Variants in RFK observed in about 807,000 individuals in gnomAD.
The protein encoded by RFK is 0610038L10Rik.
RFK carries 4 observed loss-of-function variants against 17.6 expected under a neutral mutation model. The observed-to-expected ratio is 0.23, with a 90% confidence interval of 0.11 to 0.52. RFK has a LOEUF of 0.52. Ranked by LOEUF, RFK falls within the 20% of genes least tolerant of loss-of-function variation. The probability of loss-of-function intolerance (pLI) is 0.96; values close to 1 mark genes in which losing one functional copy is unlikely to be tolerated. For missense variants in RFK, 189 were observed against 187.7 expected, an observed-to-expected ratio of 1.01 and a Z score of -0.04; for synonymous variants, 59 against 63.8, an observed-to-expected ratio of 0.92 and a Z score of 0.36.
chr9:76,394,246 G>C lies in RFK; in HGVS notation c.-75C>G. 6.9e-7 allele frequency: 1 copy of C among 1,447,360 alleles called. No homozygotes were observed. Among genetic ancestry groups the C allele is most frequent in the Non-Finnish European group, 9.4e-7 (1 of 1,068,518 alleles). The allele number at this position is 1,447,360 out of a possible 1,614,324, so 89.7% of individuals were successfully genotyped here. On this transcript the variant is annotated 5_prime_UTR_variant, in exon 1 of 4. Transcript: ENST00000376736. ...GGAGCCGCCGTCGACGCGGCGCCCA[G>C]ACCCCGGACCAGCCGGGGGACAGGA...
chr9:76,389,398 CTT>C (rs1440107509), intron 2 of RFK, among the ~76,000 whole-genome samples: 3 of 152,106 alleles, frequency 2.0e-5, no homozygotes, highest in Non-Finnish European at 4.4e-5. Context: ...TGCCCCATGA[CTT>C]TGGGGCTATG....
chr9:76,390,170 C>T (rs1822798443), intron 2 of RFK, among the ~76,000 whole-genome samples: 1 of 152,014 alleles, frequency 6.6e-6, no homozygotes, highest in Admixed American at 6.6e-5. Context: ...ATTCTACATC[C>T]ATATGGAAAA....
intron 2 of RFK, among the ~76,000 whole-genome samples, chr9:76,389,293 C>T (rs1822785064): frequency 6.6e-6 from 1 of 152,132 alleles, no homozygotes; most frequent in African/African-American, 2.4e-5. Flanking sequence ...AGTCTGGGTT[C>T]CCACACTTGG....
chr9:76,393,790 C>A (rs1339174294), intron 1 of RFK: 1 of 438,668 alleles, frequency 2.3e-6, no homozygotes, highest in African/African-American at 2.0e-5. Context: ...CAATGCTTGA[C>A]CAACTGTACC....
intron 2 of RFK, among the ~76,000 whole-genome samples, chr9:76,391,165 T>G (rs1351996684): frequency 1.3e-5 from 2 of 152,238 alleles, no homozygotes; most frequent in East Asian, 1.9e-4. Flanking sequence ...GAAAAATAAC[T>G]GAAATACTGA....
At chr9:76,390,376 A>G (rs949142401) in intron 2 of RFK, among the ~76,000 whole-genome samples, 1 of 152,126 alleles carries the variant, frequency 6.6e-6, no homozygotes, top group Non-Finnish European at 1.5e-5. Flanking sequence ...AAAATTAAGA[A>G]CCTCTGGGCT....
chr9:76,388,931 C>T (rs1336070161), intron 2 of RFK, among the ~76,000 whole-genome samples: 2 of 152,114 alleles, frequency 1.3e-5, no homozygotes, highest in East Asian at 1.9e-4. Flanking sequence ...AAAACTGACA[C>T]GTATCCAAGG....
At chr9:76,390,754 T>C (rs1480332104) in intron 2 of RFK, among the ~76,000 whole-genome samples, 1 of 145,080 alleles carries the variant, frequency 6.9e-6, no homozygotes, top group Non-Finnish European at 1.5e-5. Flanking sequence ...TGAAAGAAAT[T>C]TGTAATACAA....
intron 1 of RFK, 174 bp downstream of exon 1, chr9:76,393,915 TC>T (rs1355758958): frequency 1.6e-6 from 1 of 608,666 alleles, no homozygotes; most frequent in East Asian, 3.2e-5. Flanking sequence ...AGGGACAAGC[TC>T]CCTCAACCGA....
Position 76,385,696 on chromosome 9 carries a change from A to T in RFK, c.*1703T>A, listed in dbSNP as rs1342655840. The stretch of plus-strand genomic sequence containing the variant: ...TCAAAAGCAATGGCTATTTAACAAG[A>T]TGTAAAAGGACAATAACATATCAAA... On this transcript the variant is annotated 3_prime_UTR_variant, in exon 4 of 4. Transcript: ENST00000376736. 2 of 152,232 alleles carry T rather than the reference A, an allele frequency of 1.3e-5. No individual in the cohort carries two copies. The highest frequency in any genetic ancestry group is 4.8e-5 in the African/African-American group (2 of 41,456). The allele number at this position is 152,232 out of a possible 1,614,324, so 9.4% of individuals were successfully genotyped here.
rs1822865201 is a variant in RFK at position 76,394,391 on chromosome 9, C to G, written c.-220G>C. The G allele has an allele frequency of 1.8e-5, 9 of 487,736 alleles. No individual in the cohort carries two copies. Among genetic ancestry groups the G allele is most frequent in the Admixed American group, 4.2e-5 (1 of 23,736 alleles). The allele number at this position is 487,736 out of a possible 1,614,324, so 30.2% of individuals were successfully genotyped here. A position where few individuals can be genotyped will look rare whatever the true frequency, so the allele number is the denominator to read the frequency against. Reference sequence around the variant, plus strand: ...CCGCCGGGCGCCTGAGGAGCTGCGTCTCCGCTGGAGGGCAGCGGAGACAGC... The same window carrying G: ...CCGCCGGGCGCCTGAGGAGCTGCGTGTCCGCTGGAGGGCAGCGGAGACAGC... On this transcript the variant is annotated 5_prime_UTR_variant, in exon 1 of 4. Transcript: ENST00000376736.
At chr9:76,393,688 T>C (rs1822850049) in intron 1 of RFK, 1 of 221,680 alleles carries the variant, frequency 4.5e-6, no homozygotes, top group Admixed American at 5.7e-5. Flanking sequence ...GGACATTACA[T>C]AATTACAAAT....
chr9:76,392,291 C>A (rs1564210428), intron 2 of RFK, 127 bp downstream of exon 2: 2 of 917,334 alleles, frequency 2.2e-6, no homozygotes, highest in South Asian at 2.0e-5. Flanking sequence ...ACAGAGATTG[C>A]CCAAAATTCC....
Position 76,394,250 on chromosome 9 carries a change from C to A in RFK, c.-79G>T, listed in dbSNP as rs1822861886. 9.8e-6 allele frequency: 14 copies of A among 1,421,492 alleles called. No individual in the cohort carries two copies. Among genetic ancestry groups the A allele is most frequent in the Non-Finnish European group, 1.3e-5 (14 of 1,048,086 alleles). 88.1% of individuals were successfully genotyped at this position (1,421,492 alleles called of 1,614,324 possible). A position where few individuals can be genotyped will look rare whatever the true frequency, so the allele number is the denominator to read the frequency against. On this transcript the variant is annotated 5_prime_UTR_variant, in exon 1 of 4. Transcript: ENST00000376736. Reference sequence around the variant, plus strand: ...CCGCCGTCGACGCGGCGCCCAGACCCCGGACCAGCCGGGGGACAGGAGCGT... The same window carrying A: ...CCGCCGTCGACGCGGCGCCCAGACCACGGACCAGCCGGGGGACAGGAGCGT...
chr9:76,387,974 T>C, intron 3 of RFK: 1 of 264,388 alleles, frequency 3.8e-6, no homozygotes, highest in Non-Finnish European at 7.5e-6. Flanking sequence ...CCAGCCTGGG[T>C]AACAAAGAGC....
chr9:76,389,566 C>G (rs941942092), intron 2 of RFK, among the ~76,000 whole-genome samples: 2 of 152,110 alleles, frequency 1.3e-5, no homozygotes, highest in African/African-American at 4.8e-5. Flanking sequence ...TCAAGACCAG[C>G]TTGGCCAACA....
intron 2 of RFK, among the ~76,000 whole-genome samples, chr9:76,391,936 T>TAAA (rs34498868): frequency 6.9e-6 from 1 of 145,486 alleles, no homozygotes. Flanking sequence ...ACCCCATCTT[T>TAAA]AAAAAAAAAA....
At position 76,394,313 on chromosome 9, in the gene RFK, C is replaced by T. The variant is rs1258806770; in HGVS notation, c.-142G>A. On this transcript the variant is annotated 5_prime_UTR_variant, in exon 1 of 4. Transcript: ENST00000376736. ...CCGCGGGGGCGCACCAGTGGCCGGA[C>T]GACGCCGACCACAGGCCACTGCGAA... 21 of 714,074 alleles carry T rather than the reference C, an allele frequency of 2.9e-5. 1 individual carries two copies. The highest frequency in any genetic ancestry group is 8.0e-4 in the Middle Eastern group (2 of 2,508). 44.2% of individuals were successfully genotyped at this position (714,074 alleles called of 1,614,324 possible). A position where few individuals can be genotyped will look rare whatever the true frequency, so the allele number is the denominator to read the frequency against.
chr9:76,386,425 GTTCT>G lies in RFK; in HGVS notation c.*970_*973del, dbSNP rs1822732888. ...TTTTGCTAGGGAGGAAACATTTTGT[GTTCT>G]TTAAGAAATTGATATGTGTAAATGT... On this transcript the variant is annotated 3_prime_UTR_variant, in exon 4 of 4. Coordinates refer to ENST00000376736, the MANE Select transcript of RFK (RefSeq NM_018339.6). The G allele has an allele frequency of 3.3e-5, 5 of 152,058 alleles. No homozygotes were observed. The highest frequency in any genetic ancestry group is 3.3e-4 in the Admixed American group (5 of 15,276). The allele number at this position is 152,058 out of a possible 1,614,324, so 9.4% of individuals were successfully genotyped here.
Sources: allele counts gnomAD v4.1 joint callset (sites outside exome capture counted in the v4.1 genomes callset), GRCh38; gene constraint gnomAD v4.1.1; transcripts MANE v1.5; gene names NCBI Gene and HGNC (gene_info 2026-07-23, HGNC 2026-07-21).